Variants in HECW1 observed in about 807,000 individuals in gnomAD.
HECW1 encodes the protein E3 ubiquitin-protein ligase HECW1.
Under a neutral mutation model 182.3 loss-of-function variants are expected in HECW1, and 61 were observed. The observed-to-expected ratio is 0.33, with a 90% CI of 0.27 to 0.41. HECW1 has a LOEUF of 0.41. HECW1 is among the 10% of genes least tolerant of loss of function. HECW1 has a pLI of 1.00. For synonymous variants in HECW1, 859 were observed against 832.6 expected (o/e 1.03, Z -0.55); for missense variants, 1,739 against 2,108.9 (o/e 0.82, Z 3.44).
chr7:43,332,124 T>G (rs942309581), intron 5 of HECW1, among the ~76,000 whole-genome samples: 2 of 152,016 alleles, frequency 1.3e-5, no homozygotes, highest in South Asian at 2.1e-4. Flanking sequence ...AGAGAAATAA[T>G]AAGAAGAAAT....
intron 7 of HECW1, among the ~76,000 whole-genome samples, chr7:43,404,346 GCTA>G (rs368058513): frequency 3.3e-5 from 5 of 152,216 alleles, no homozygotes; most frequent in African/African-American, 1.2e-4. Context: ...GTTTTCTAAA[GCTA>G]CTAATTCTCC....
At chr7:43,398,328 T>C (rs1182542371) in intron 7 of HECW1, among the ~76,000 whole-genome samples, 1 of 152,100 alleles carries the variant, frequency 6.6e-6, no homozygotes, top group Non-Finnish European at 1.5e-5. Flanking sequence ...TAACATGATA[T>C]ACAAAGCTCA....
intron 3 of HECW1, among the ~76,000 whole-genome samples, chr7:43,282,046 C>G (rs1803989021): frequency 6.6e-6 from 1 of 152,172 alleles, no homozygotes. Flanking sequence ...CACTCTGCCT[C>G]AGATATTAGT....
At chr7:43,205,536 G>A (rs747248817) in intron 2 of HECW1, among the ~76,000 whole-genome samples, 8 of 152,162 alleles carry the variant, frequency 5.3e-5, no homozygotes, top group Non-Finnish European at 7.3e-5. Flanking sequence ...CCAAGGTCAA[G>A]GCCTGCTTGA....
intron 24 of HECW1, chr7:43,523,074 GC>G (rs2080575741): frequency 9.2e-6 from 4 of 434,954 alleles, no homozygotes; most frequent in Non-Finnish European, 1.4e-5. Context: ...TGCGATCTTG[GC>G]TCACTGCAAC....
intron 16 of HECW1, among the ~76,000 whole-genome samples, chr7:43,478,567 A>G (rs1327916440): frequency 1.3e-5 from 2 of 152,226 alleles, no homozygotes; most frequent in African/African-American, 4.8e-5. Context: ...AGAATATTTA[A>G]TAATTTAGGG....
At position 43,507,186 on chromosome 7, in the gene HECW1, T is replaced by C. The variant is rs369643434; in HGVS notation, c.3681T>C (p.Phe1227=). 1.2e-6 allele frequency: 2 copies of C among 1,613,982 alleles called. No homozygotes were observed. Among genetic ancestry groups the C allele is most frequent in the African/African-American group, 2.7e-5 (2 of 74,940 alleles). ...ARAPSPYRRD[F]EAKLRNFYRK... The stretch of plus-strand genomic sequence containing the variant: ...CCCCTTCCCCCTACCGAAGAGACTT[T>C]GAGGCCAAGCTCCGCAATTTCTACA... The change falls in exon 22 of 30, where the codon TTT becomes TTC. Residue 1227 remains phenylalanine, a synonymous_variant. Transcript: ENST00000395891.
chr7:43,160,269 T>C (rs536634830), intron 2 of HECW1, among the ~76,000 whole-genome samples: 21 of 152,360 alleles, frequency 1.4e-4, no homozygotes, highest in Admixed American at 1.2e-3. Context: ...TTCCCCCCAA[T>C]TTGTTGTTTG....
intron 2 of HECW1, among the ~76,000 whole-genome samples, chr7:43,197,631 A>G (rs1794590555): frequency 6.6e-6 from 1 of 152,122 alleles, no homozygotes; most frequent in African/African-American, 2.4e-5. Flanking sequence ...CATGAAGAAC[A>G]GGTGTGGCTC....
intron 17 of HECW1, among the ~76,000 whole-genome samples, chr7:43,491,245 T>C (rs1010709178): frequency 1.3e-5 from 2 of 152,206 alleles, no homozygotes; most frequent in African/African-American, 4.8e-5. Context: ...TGTCTTACGG[T>C]TGTAAACCTG....
intron 3 of HECW1, among the ~76,000 whole-genome samples, chr7:43,281,713 CTTTTTTT>C (rs55860415): frequency 2.6e-5 from 2 of 77,348 alleles, no homozygotes; most frequent in African/African-American, 5.0e-5. Context: ...TCTTTGCTTT[CTTTTTTT>C]TTTTTTTTTT....
At chr7:43,319,667 T>A (rs1363725068) in intron 4 of HECW1, among the ~76,000 whole-genome samples, 2 of 140,806 alleles carry the variant, frequency 1.4e-5, no homozygotes, top group Non-Finnish European at 3.0e-5. Flanking sequence ...GGATATGATC[T>A]TGGTTCACTG....
At chr7:43,544,759 A>C (rs528659021) in intron 26 of HECW1, among the ~76,000 whole-genome samples, 248 of 152,336 alleles carry the variant, frequency 1.6e-3, no homozygotes, top group African/African-American at 5.7e-3. Context: ...TAAATGAAGT[A>C]GTGAAATCAT....
At chr7:43,264,999 G>T (rs1801620906) in intron 3 of HECW1, among the ~76,000 whole-genome samples, 2 of 152,012 alleles carry the variant, frequency 1.3e-5, no homozygotes, top group African/African-American at 4.8e-5. Flanking sequence ...TGATAATATG[G>T]ATGCAAAAGT....
intron 2 of HECW1, among the ~76,000 whole-genome samples, chr7:43,215,652 G>A (rs1407105929): frequency 6.6e-6 from 1 of 152,080 alleles, no homozygotes; most frequent in Non-Finnish European, 1.5e-5. Context: ...AATTTATCAA[G>A]GTTTTCTTTG....
At chr7:43,542,106 T>G in intron 26 of HECW1, 108 bp downstream of exon 26, 1 of 961,958 alleles carries the variant, frequency 1.0e-6, no homozygotes. Flanking sequence ...CTTCAGTGCT[T>G]CAGTATATCC....
chr7:43,328,276 C>T (rs909928727), intron 5 of HECW1, among the ~76,000 whole-genome samples: 3 of 152,034 alleles, frequency 2.0e-5, no homozygotes, highest in African/African-American at 7.2e-5. Context: ...CTAGCCTGAG[C>T]TATGGAGCAA....
intron 2 of HECW1, among the ~76,000 whole-genome samples, chr7:43,149,972 C>T (rs1025192665): frequency 6.6e-6 from 1 of 152,156 alleles, no homozygotes; most frequent in African/African-American, 2.4e-5. Context: ...CAATGCAATT[C>T]TATTTCATAG....
chr7:43,297,749 A>T (rs113423662), intron 3 of HECW1, among the ~76,000 whole-genome samples: 1 of 152,192 alleles, frequency 6.6e-6, no homozygotes, highest in African/African-American at 2.4e-5. Flanking sequence ...TGGAGTCACT[A>T]GAAAACAACA....
Sources: gnomAD v4.1 joint callset for allele counts (sites outside exome capture counted in the v4.1 genomes callset) on GRCh38, gnomAD v4.1.1 for gene constraint, MANE v1.5 for transcripts, NCBI Gene and HGNC (gene_info 2026-07-23, HGNC 2026-07-21) for gene names.